Variants in CDH8 observed in about 807,000 individuals in gnomAD.
CDH8 encodes the protein cadherin 8, also known as cadherin-8.
CDH8 carries 17 observed loss-of-function variants against 68.1 expected under a neutral mutation model. The ratio of observed to expected loss-of-function variants is 0.25; its 90% confidence interval spans 0.17 to 0.37. The LOEUF is 0.37. CDH8 is among the 10% of genes least tolerant of loss of function. The pLI, the probability that CDH8 is intolerant of heterozygous loss-of-function variation, is 1.00. For synonymous variants in CDH8, 372 were observed against 365.1 expected (o/e 1.02, Z -0.21); for missense variants, 763 against 999.3 (o/e 0.76, Z 3.19).
intron 10 of CDH8, among the ~76,000 whole-genome samples, chr16:61,696,908 A>G (rs1167731988): frequency 6.6e-6 from 1 of 152,096 alleles, no homozygotes; most frequent in Non-Finnish European, 1.5e-5. Flanking sequence ...CATGGACACA[A>G]AGAAGGAAAC....
Position 61,762,300 on chromosome 16 carries a change from C to G in CDH8, c.1414+27046G>C, listed in dbSNP as rs183407755. On this transcript the variant is annotated intron_variant, in intron 8 of 11. Transcript: ENST00000577390. Reference sequence around the variant, plus strand: ...TGAATATTCTGGTTATAGTATTGTACTATATAGTTTTGTAAGATTGTCACC... The same window carrying G: ...TGAATATTCTGGTTATAGTATTGTAGTATATAGTTTTGTAAGATTGTCACC... 1.4e-4 allele frequency among the ~76,000 whole-genome samples: 22 copies of G among 152,154 alleles called. 1 individual carries two copies. In the East Asian group the frequency reaches 3.1e-3, roughly 21 times the overall value.
At chr16:61,688,197 G>T (rs749581837) in intron 10 of CDH8, among the ~76,000 whole-genome samples, 2 of 152,026 alleles carry the variant, frequency 1.3e-5, no homozygotes, top group African/African-American at 2.4e-5. Context: ...TCACCTGCCA[G>T]TGTTAGCTCT....
chr16:61,836,984 T>G (rs1420809349), intron 4 of CDH8, among the ~76,000 whole-genome samples: 1 of 152,016 alleles, frequency 6.6e-6, no homozygotes, highest in Non-Finnish European at 1.5e-5. Context: ...TTTGTTCCTT[T>G]CAAGCCAATA....
At chr16:61,807,969 A>T (rs1961835579) in intron 7 of CDH8, among the ~76,000 whole-genome samples, 1 of 152,212 alleles carries the variant, frequency 6.6e-6, no homozygotes, top group Non-Finnish European at 1.5e-5. Flanking sequence ...GTTTAATGGG[A>T]ATAAGAATAT....
chr16:62,011,033 G>GAA (rs755104027), intron 2 of CDH8, among the ~76,000 whole-genome samples: 2,141 of 139,604 alleles, frequency 0.015, 29 homozygotes, highest in African/African-American at 0.036. Context: ...CATATTCACA[G>GAA]AAAAAAAAAT....
At chr16:61,867,669 C>G (rs1054792203) in intron 3 of CDH8, among the ~76,000 whole-genome samples, 3 of 152,008 alleles carry the variant, frequency 2.0e-5, no homozygotes, top group African/African-American at 7.2e-5. Context: ...CACCAATTAC[C>G]CAGAGCTTTG....
chr16:61,705,540 T>A (rs561321979), intron 10 of CDH8, among the ~76,000 whole-genome samples: 1 of 152,278 alleles, frequency 6.6e-6, no homozygotes, highest in South Asian at 2.1e-4. Context: ...CATTGAATAG[T>A]ATGGTTCGAC....
intron 2 of CDH8, among the ~76,000 whole-genome samples, chr16:61,967,651 G>A (rs61239047): frequency 0.021 from 3,205 of 152,202 alleles, 91 homozygotes; most frequent in African/African-American, 0.066. Context: ...ACAGAGTTGT[G>A]ACTGTGACTG....
At chr16:61,682,286 T>C (rs55931925) in intron 10 of CDH8, among the ~76,000 whole-genome samples, 27,292 of 151,800 alleles carry the variant, frequency 0.18, 2,794 homozygotes, top group Middle Eastern at 0.26. Context: ...TAGGAAAAAA[T>C]AGTAATTTTA....
At position 61,775,868 on chromosome 16, in the gene CDH8, A is replaced by G. The variant is rs540272881; in HGVS notation, c.1414+13478T>C. On this transcript the variant is annotated intron_variant, in intron 8 of 11. Coordinates refer to ENST00000577390, the MANE Select transcript of CDH8 (RefSeq NM_001796.5). ...AAAGAAGTGCCCAGCTGCTCCACAG[A>G]ACCAGAAGAAAACATTATGTTAAGT... Among the ~76,000 whole-genome samples, 3 of 152,254 alleles carry G rather than the reference A, an allele frequency of 2.0e-5. No individual in the cohort carries two copies. In the South Asian group the frequency reaches 6.2e-4, roughly 32 times the overall value.
At chr16:61,819,070 C>T (rs560802643) in intron 6 of CDH8, among the ~76,000 whole-genome samples, 5 of 151,858 alleles carry the variant, frequency 3.3e-5, no homozygotes, top group Admixed American at 6.6e-5. Context: ...TGCCAATCAC[C>T]TTTACTGTAA....
In CDH8 at chr16:61,857,201, A is replaced by G; in HGVS notation, c.585T>C (p.Asp195=). ...TTGCACTGTTTCCATAAACTGGGTC[A>G]TCAGCGTCGGTCGCAGTGACGTTAG... is the stretch of plus-strand genomic sequence containing the variant. ...SVTNVTATDA[D]DPVYGNSAKL... Residue 195 remains aspartate, a synonymous_variant, in exon 4 of 12, where the codon GAT becomes GAC. Transcript: ENST00000577390. 1.2e-6 allele frequency: 2 copies of G among 1,613,270 alleles called. No homozygotes were observed. Among genetic ancestry groups the G allele is most frequent in the Non-Finnish European group, 1.7e-6 (2 of 1,179,330 alleles).
At chr16:61,694,532 T>C (rs1964290323) in intron 10 of CDH8, among the ~76,000 whole-genome samples, 2 of 152,134 alleles carry the variant, frequency 1.3e-5, no homozygotes, top group Middle Eastern at 3.4e-3. Flanking sequence ...GGTTTGGTTA[T>C]ATGAGGCTGA....
At chr16:61,676,440 C>T (rs1340909187) in intron 10 of CDH8, among the ~76,000 whole-genome samples, 1 of 151,824 alleles carries the variant, frequency 6.6e-6, no homozygotes, top group Non-Finnish European at 1.5e-5. Flanking sequence ...CTTAGTGGTG[C>T]TTCTGATAGG....
chr16:61,667,896 T>C (rs118163165), intron 10 of CDH8, among the ~76,000 whole-genome samples: 6 of 152,140 alleles, frequency 3.9e-5, no homozygotes, highest in South Asian at 4.1e-4. Flanking sequence ...TACAACCTAG[T>C]TCAGTGTATT....
At chr16:61,688,415 C>A (rs1391689583) in intron 10 of CDH8, among the ~76,000 whole-genome samples, 2 of 151,998 alleles carry the variant, frequency 1.3e-5, no homozygotes, top group Non-Finnish European at 2.9e-5. Context: ...AGGGCCCAGA[C>A]TTGCCTGCAA....
At chr16:61,680,889 G>A (rs1453669756) in intron 10 of CDH8, among the ~76,000 whole-genome samples, 1 of 151,806 alleles carries the variant, frequency 6.6e-6, no homozygotes, top group Non-Finnish European at 1.5e-5. Context: ...GCCAAGCTGG[G>A]CATAATATTT....
intron 2 of CDH8, among the ~76,000 whole-genome samples, chr16:61,919,948 G>A (rs1022975665): frequency 5.5e-4 from 84 of 152,082 alleles, no homozygotes; most frequent in African/African-American, 1.8e-3. Context: ...AAATAATGCC[G>A]CATATCTACA....
chr16:62,034,089 G>GA (rs1420498879), intron 1 of CDH8, among the ~76,000 whole-genome samples: 5 of 151,936 alleles, frequency 3.3e-5, no homozygotes, highest in Non-Finnish European at 7.4e-5. Context: ...CCCTTTAAGG[G>GA]AAAAAGAATG....
Sources: allele counts gnomAD v4.1 joint callset (sites outside exome capture counted in the v4.1 genomes callset), GRCh38; gene constraint gnomAD v4.1.1; transcripts MANE v1.5; gene names NCBI Gene and HGNC (gene_info 2026-07-23, HGNC 2026-07-21).